The following RBFOX1 variants were observed in gnomAD, a reference collection of about 807,000 sequenced individuals.
RBFOX1 encodes RNA binding protein fox-1 homolog 1.
Under a neutral mutation model 57.7 loss-of-function variants are expected in RBFOX1, and 8 were observed. The ratio of observed to expected loss-of-function variants is 0.14; its 90% CI spans 0.08 to 0.25. The LOEUF is 0.25. Among genes scored for constraint, RBFOX1 ranks in the 10% least tolerant of loss-of-function variants. The pLI is 1.00. For missense variants in RBFOX1, 611 were observed against 548.5 expected (o/e 1.11, Z -1.14); for synonymous variants, 326 against 222.4 (o/e 1.47, Z -4.15).
At chr16:7,455,564 G>A (rs1023913684) in intron 4 of RBFOX1, among the ~76,000 whole-genome samples, 2 of 151,972 alleles carry the variant, frequency 1.3e-5, no homozygotes, top group African/African-American at 4.8e-5. Context: ...GGCCGAGGAG[G>A]GCAGATTTCT....
intron 3 of RBFOX1, chr16:6,705,446 A>C (rs1214996107): frequency 6.6e-6 from 1 of 152,182 alleles, no homozygotes; most frequent in Non-Finnish European, 1.5e-5. Flanking sequence ...GGGTTACTGT[A>C]CACATAGATC....
intron 4 of RBFOX1, among the ~76,000 whole-genome samples, chr16:7,197,998 C>CTTTCTTTCTTTTTTTTTTTTTT (rs61556349): frequency 3.6e-4 from 20 of 55,594 alleles, no homozygotes; most frequent in Non-Finnish European, 4.5e-4. Context: ...TTCTTTCTTT[C>CTTTCTTTCTTTTTTTTTTTTTT]TTTTTTTTTT....
intron 4 of RBFOX1, among the ~76,000 whole-genome samples, chr16:7,480,128 C>G (rs532630356): frequency 1.3e-5 from 2 of 152,304 alleles, no homozygotes; most frequent in Non-Finnish European, 2.9e-5. Context: ...TTGTGCCTTT[C>G]TTGTTAAGCC....
At chr16:7,143,964 A>G (rs1192790093) in intron 4 of RBFOX1, among the ~76,000 whole-genome samples, 1 of 152,142 alleles carries the variant, frequency 6.6e-6, no homozygotes, top group Non-Finnish European at 1.5e-5. Flanking sequence ...TCTGAAAACA[A>G]TCATAACTCT....
intron 4 of RBFOX1, among the ~76,000 whole-genome samples, chr16:7,348,186 T>C (rs189211427): frequency 1.3e-5 from 2 of 152,320 alleles, no homozygotes; most frequent in East Asian, 3.9e-4. Flanking sequence ...TACAGAGATA[T>C]ATGCATATAC....
intron 4 of RBFOX1, among the ~76,000 whole-genome samples, chr16:7,406,294 G>A (rs959744203): frequency 6.6e-6 from 1 of 152,142 alleles, no homozygotes; most frequent in African/African-American, 2.4e-5. Flanking sequence ...TGTTCATACG[G>A]TTTCTAATCC....
chr16:6,645,014 C>T (rs752639966), intron 2 of RBFOX1, among the ~76,000 whole-genome samples: 2 of 152,236 alleles, frequency 1.3e-5, no homozygotes, highest in East Asian at 3.9e-4. Flanking sequence ...GCTCTACGTC[C>T]AAGTTGAAAG....
intron 4 of RBFOX1, among the ~76,000 whole-genome samples, chr16:7,368,456 C>T (rs940034367): frequency 2.6e-5 from 4 of 151,534 alleles, no homozygotes; most frequent in African/African-American, 9.7e-5. Flanking sequence ...TTGGAGGTCT[C>T]GAAACACCCT....
chr16:6,957,763 A>T (rs374441275), intron 3 of RBFOX1, among the ~76,000 whole-genome samples: 1 of 152,100 alleles, frequency 6.6e-6, no homozygotes, highest in African/African-American at 2.4e-5. Context: ...TGGTTCAAAC[A>T]TCTGTGACTG....
At chr16:6,802,434 T>C (rs1567310398) in intron 3 of RBFOX1, among the ~76,000 whole-genome samples, 1 of 152,190 alleles carries the variant, frequency 6.6e-6, no homozygotes, top group Non-Finnish European at 1.5e-5. Flanking sequence ...TCCAGCACTT[T>C]GGGAGGCCGA....
intron 1 of RBFOX1, among the ~76,000 whole-genome samples, chr16:5,289,737 A>T (rs2063488217): frequency 6.6e-6 from 1 of 152,334 alleles, no homozygotes; most frequent in Non-Finnish European, 1.5e-5. Context: ...AAGAGAAGCA[A>T]AGGGCATAAA....
intron 13 of RBFOX1, among the ~76,000 whole-genome samples, chr16:7,676,017 C>T (rs1333983808): frequency 6.6e-6 from 1 of 152,302 alleles, no homozygotes; most frequent in East Asian, 1.9e-4. Context: ...CTTAATTGAA[C>T]AATTGCAATT....
At chr16:7,703,023 C>G (rs571797910) in intron 14 of RBFOX1, among the ~76,000 whole-genome samples, 1 of 152,326 alleles carries the variant, frequency 6.6e-6, no homozygotes, top group South Asian at 2.1e-4. Flanking sequence ...ACTGCTAAAT[C>G]TCATTTGACC....
intron 10 of RBFOX1, among the ~76,000 whole-genome samples, chr16:7,613,402 AAAATAG>A (rs1308679981): frequency 6.6e-6 from 1 of 152,218 alleles, no homozygotes; most frequent in Non-Finnish European, 1.5e-5. Context: ...CACAGACTGT[AAAATAG>A]AAATAGAAGA....
intron 4 of RBFOX1, among the ~76,000 whole-genome samples, chr16:7,067,629 C>T (rs1260932996): frequency 6.6e-6 from 1 of 151,418 alleles, no homozygotes; most frequent in South Asian, 2.1e-4. Context: ...TGGTGTGGTG[C>T]ACCCATTAAC....
chr16:7,651,032 G>C (rs1015184599), intron 11 of RBFOX1, among the ~76,000 whole-genome samples: 5 of 152,064 alleles, frequency 3.3e-5, no homozygotes, highest in Admixed American at 3.3e-4. Flanking sequence ...GGCAAAAAAA[G>C]TTAAATAAAA....
intron 14 of RBFOX1, among the ~76,000 whole-genome samples, chr16:7,677,352 C>T (rs1396724342): frequency 5.3e-5 from 8 of 152,266 alleles, no homozygotes; most frequent in African/African-American, 1.9e-4. Flanking sequence ...GAGAGTGTCC[C>T]TGGCATTCAT....
At chr16:6,641,320 C>G (rs1568004079) in intron 2 of RBFOX1, among the ~76,000 whole-genome samples, 1 of 152,154 alleles carries the variant, frequency 6.6e-6, no homozygotes, top group African/African-American at 2.4e-5. Flanking sequence ...TCAACCAAGG[C>G]GTTCACCTTC....
At chr16:6,806,326 A>C (rs143887938) in intron 3 of RBFOX1, among the ~76,000 whole-genome samples, 419 of 152,332 alleles carry the variant, frequency 2.8e-3, no homozygotes, top group African/African-American at 9.6e-3. Flanking sequence ...TATTTACTTT[A>C]ATGTCATCCA....
Sources: gnomAD v4.1 joint callset for allele counts (sites outside exome capture counted in the v4.1 genomes callset) on GRCh38, gnomAD v4.1.1 for gene constraint, MANE v1.5 for transcripts, NCBI Gene and HGNC (gene_info 2026-07-23, HGNC 2026-07-21) for gene names.